SCAF1: variants seen among roughly 807,000 people sequenced by gnomAD.
The protein encoded by SCAF1 is splicing factor, arginine/serine-rich 19.
SCAF1 carries 28 observed loss-of-function variants against 91.2 expected under a neutral mutation model. The observed-to-expected ratio is 0.31, with a 90% CI of 0.23 to 0.42. The LOEUF is 0.42. Ranked by LOEUF, SCAF1 falls within the 10% of genes least tolerant of loss-of-function variation. The pLI is 1.00. For synonymous variants in SCAF1, 1,036 were observed against 833.7 expected, an observed-to-expected ratio of 1.24 and a Z score of -4.18; for missense variants, 1,893 against 1,872.1, an observed-to-expected ratio of 1.01 and a Z score of -0.21.
In SCAF1 at chr19:49,652,538, G is replaced by A. The variant is rs1345935089; in HGVS notation, c.2149G>A (p.Gly717Arg). 1.3e-6 allele frequency: 2 copies of A among 1,571,092 alleles called. No individual in the cohort carries two copies. Among genetic ancestry groups the A allele is most frequent in the Non-Finnish European group, 1.7e-6 (2 of 1,157,526 alleles). ...VGRLDKSDPR[G>R]PSPAPASSPK... ...CCGGCTTGACAAGTCCGACCCCCGA[G>A]GACCCTCTCCTGCTCCGGCCTCCTC... is the stretch of plus-strand genomic sequence containing the variant. Residue 717 changes from glycine to arginine, a missense_variant, in exon 7 of 11, where the codon GGA (glycine) becomes AGA (arginine). By Grantham distance (125) the Gly-to-Arg change is moderately radical. Around this residue, in one of 5 missense-constraint regions of SCAF1, gnomAD observed 1,436 missense variants for 1,306.8 expected, o/e 1.10. Transcript: ENST00000360565.
intron 1 of SCAF1, among the ~76,000 whole-genome samples, chr19:49,644,658 T>C (rs2081044295): frequency 6.6e-6 from 1 of 152,166 alleles, no homozygotes; most frequent in African/African-American, 2.4e-5. Context: ...AACCTTGGTG[T>C]TGGCTTTGCC....
At position 49,645,262 on chromosome 19, in the gene SCAF1, G is replaced by C; in HGVS notation, c.109-92G>C. 1 of 1,515,068 alleles carries C rather than the reference G, an allele frequency of 6.6e-7. No individual in the cohort carries two copies. The allele number at this position is 1,515,068 out of a possible 1,614,324, so 93.9% of individuals were successfully genotyped here. ...TCCCTTGAAGCACTTGAGTCTAGCTGTCAGTGTCTGGGATGTCTGTCTCCC... is the reference window on the plus strand; with the variant it reads ...TCCCTTGAAGCACTTGAGTCTAGCTCTCAGTGTCTGGGATGTCTGTCTCCC... On this transcript the variant is annotated intron_variant, in intron 2 of 10. Transcript: ENST00000360565. This position sits in a 1 kb window ranked among gnomAD's most constrained non-coding sequence, Gnocchi z 4.6.
Position 49,653,065 on chromosome 19 carries a change from G to A in SCAF1, c.2676G>A (p.Pro892=), listed in dbSNP as rs762525579. The change falls in exon 7 of 11, where the codon CCG becomes CCA. Residue 892 remains proline (P), a synonymous_variant. Transcript: ENST00000360565. ...CCACTGAGATGGCCAAAGCAGCTCCGGGCAGCACCAAGCCCAAAAAGACCA... is the reference window on the plus strand; with the variant it reads ...CCACTGAGATGGCCAAAGCAGCTCCAGGCAGCACCAAGCCCAAAAAGACCA... ...RAPTEMAKAA[P]GSTKPKKTKV... The A allele has an allele frequency of 1.7e-5, 27 of 1,613,726 alleles. No individual in the cohort carries two copies. Among genetic ancestry groups the A allele is most frequent in the South Asian group, 7.7e-5 (7 of 91,052 alleles).
At position 49,653,464 on chromosome 19, in the gene SCAF1, GGAGGAAGAAGAAGAGGAGGAGGAA is replaced by G. The variant is rs751695645; in HGVS notation, c.3084_3107del (p.Glu1032_Glu1039del). 4 of 1,550,074 alleles carry G rather than the reference GGAGGAAGAAGAAGAGGAGGAGGAA, an allele frequency of 2.6e-6. No homozygotes were observed. The highest frequency in any genetic ancestry group is 2.7e-5 in the African/African-American group (2 of 73,722). On this transcript the variant is annotated inframe_deletion, in exon 7 of 11. Coordinates refer to ENST00000360565, the MANE Select transcript of SCAF1 (RefSeq NM_021228.3). ...TCCGAGGTGGGGCGGAGGAGGAGGA[GGAGGAAGAAGAAGAGGAGGAGGAA>G]GAGGAAGAGGAGGAGGAGCAGCAGC...
At chr19:49,654,054 A>G (rs1044519892) in intron 7 of SCAF1, among the ~76,000 whole-genome samples, 3 of 152,032 alleles carry the variant, frequency 2.0e-5, no homozygotes, top group African/African-American at 7.3e-5. Flanking sequence ...AGGTGGGGAG[A>G]GAGGTTGGGA....
chr19:49,641,709 G>T (rs75271245), upstream of SCAF1, among the ~76,000 whole-genome samples: 1 of 152,128 alleles, frequency 6.6e-6, no homozygotes, highest in African/African-American at 2.4e-5. Context: ...TCAGTCTCCC[G>T]AGTGGGACTA....
In SCAF1 at chr19:49,645,063, G is replaced by T. The variant is rs1330251626; in HGVS notation, c.37G>T (p.Glu13Ter). The change falls in exon 2 of 11, where the codon GAG becomes TAG. Residue 13 changes from glutamate to a stop codon, truncating the protein, a stop_gained. Transcript: ENST00000360565. LOFTEE classifies it high-confidence loss of function. The surrounding 1 kb of genome is among the most constrained non-coding windows in gnomAD (Gnocchi z 4.6). Reference protein sequence around the residue: ...EEDESRGKTEESGEDRGDGPP... With the variant: ...EEDESRGKTE ...AGATGAGTCTCGAGGGAAGACAGAG[G>T]AGTCGGGGGAGGATCGGGGCGATGG... 1 of 1,614,062 alleles carries T rather than the reference G, an allele frequency of 6.2e-7. No homozygotes were observed. The highest frequency in any genetic ancestry group is 8.5e-7 in the Non-Finnish European group (1 of 1,180,022).
Position 49,651,373 on chromosome 19 carries a change from G to T in SCAF1, c.984G>T (p.Gln328His). The change falls in exon 7 of 11, where the codon CAG becomes CAT. Residue 328 changes from glutamine to histidine, a missense_variant. Gln to His is a conservative substitution (Grantham distance 24). This residue lies in a region of SCAF1 where 1,436 missense variants were observed against 1,306.8 expected (regional missense o/e 1.10). Transcript: ENST00000360565. ...ESPRPDAQPT[Q>H]PTPAPGTPPQ... ...CCCGCCCGGACGCGCAGCCCACACAGCCGACTCCCGCCCCTGGAACGCCGC... is the reference window on the plus strand; with the variant it reads ...CCCGCCCGGACGCGCAGCCCACACATCCGACTCCCGCCCCTGGAACGCCGC... The T allele has an allele frequency of 1.2e-6, 2 of 1,607,404 alleles. No homozygotes were observed.
Position 49,652,328 on chromosome 19 carries a change from T to G in SCAF1, c.1939T>G (p.Ser647Ala), listed in dbSNP as rs2081101729. Residue 647 changes from serine (S) to alanine (A), a missense_variant, in exon 7 of 11, where the codon TCG (serine) becomes GCG (alanine). Physicochemically the swap from Ser to Ala is moderately conservative, Grantham distance 99. Around this residue, in one of 5 missense-constraint regions of SCAF1, gnomAD observed 1,436 missense variants for 1,306.8 expected, o/e 1.10. Transcript: ENST00000360565. ...CGGCAGCAAGAAGAAGAAGAAGCGG[T>G]CGCGGTCCCGGGGTGAGAAGCGGTC... ...GGGSKKKKKR[S>A]RSRGEKRSGD... The G allele has an allele frequency of 6.5e-7, 1 of 1,530,214 alleles. No homozygotes were observed. Among genetic ancestry groups the G allele is most frequent in the Non-Finnish European group, 8.8e-7 (1 of 1,141,248 alleles). The allele number at this position is 1,530,214 out of a possible 1,614,324, so 94.8% of individuals were successfully genotyped here. A position where few individuals can be genotyped will look rare whatever the true frequency, so the allele number is the denominator to read the frequency against.
chr19:49,646,507 C>T lies in SCAF1; in HGVS notation c.262-19C>T. The T allele has an allele frequency of 6.2e-7, 1 of 1,607,054 alleles. No homozygotes were observed. The highest frequency in any genetic ancestry group is 8.5e-7 in the Non-Finnish European group (1 of 1,173,764). On this transcript the variant is annotated intron_variant, in intron 4 of 10. Transcript: ENST00000360565. This position sits in a 1 kb window ranked among gnomAD's most constrained non-coding sequence, Gnocchi z 5.6. ...TCATGTGACCAGGGACGGCGTAGAG[C>T]CTCTCTGGCCTCTTCCAGGTGTTGG... is the stretch of plus-strand genomic sequence containing the variant.
Position 49,652,950 on chromosome 19 carries a change from C to G in SCAF1, c.2561C>G (p.Ala854Gly). 6.2e-7 allele frequency: 1 copy of G among 1,613,798 alleles called. No individual in the cohort carries two copies. The highest frequency in any genetic ancestry group is 8.5e-7 in the Non-Finnish European group (1 of 1,179,952). The change falls in exon 7 of 11, where the codon GCC becomes GGC. Residue 854 changes from alanine (A) to glycine (G), a missense_variant. By Grantham distance (60) the Ala-to-Gly change is moderately conservative. Coordinates refer to ENST00000360565, the MANE Select transcript of SCAF1 (RefSeq NM_021228.3). ...AGCAGCACCACCCCGGCCAAGGATG[C>G]CGCGTCAGCCGGCCTGGGCTCCATT... ...GVSSTTPAKD[A>G]ASAGLGSIGV...
upstream of SCAF1, among the ~76,000 whole-genome samples, chr19:49,640,895 A>C (rs984336120): frequency 1.3e-5 from 2 of 152,184 alleles, no homozygotes; most frequent in South Asian, 4.1e-4. Flanking sequence ...AAGGAAGCAG[A>C]GGGCCCAGAC....
At position 49,652,025 on chromosome 19, in the gene SCAF1, C is replaced by G; in HGVS notation, c.1636C>G (p.Pro546Ala). 1 of 1,220,760 alleles carries G rather than the reference C, an allele frequency of 8.2e-7. No homozygotes were observed. Among genetic ancestry groups the G allele is most frequent in the Non-Finnish European group, 1.0e-6 (1 of 969,302 alleles). The allele number at this position is 1,220,760 out of a possible 1,614,324, so 75.6% of individuals were successfully genotyped here. A position where few individuals can be genotyped will look rare whatever the true frequency, so the allele number is the denominator to read the frequency against. Residue 546 changes from proline (P) to alanine (A), a missense_variant, in exon 7 of 11, where the codon CCG becomes GCG. By Grantham distance (27) the Pro-to-Ala change is conservative. Transcript: ENST00000360565. Reference sequence around the variant, plus strand: ...GGGCACCCAGCCAGCGCCGCCCGCCCCGGCCTCGCCCTGGGACTCCAAGAA... The same window carrying G: ...GGGCACCCAGCCAGCGCCGCCCGCCGCGGCCTCGCCCTGGGACTCCAAGAA... ...SSGTQPAPPA[P>A]ASPWDSKKHR...
At chr19:49,653,857 C>CA in intron 7 of SCAF1, 152 bp downstream of exon 7, 6 of 707,896 alleles carry the variant, frequency 8.5e-6, no homozygotes, top group Non-Finnish European at 1.1e-5. Context: ...GCCAGCCAGG[C>CA]TCTAGGTGCC....
chr19:49,657,078 C>G (rs2081144097), intron 9 of SCAF1, among the ~76,000 whole-genome samples: 2 of 152,128 alleles, frequency 1.3e-5, no homozygotes, highest in Admixed American at 1.3e-4. Context: ...CGCTTTAGCC[C>G]AGGAGACCAG....
In SCAF1 at chr19:49,654,346, C is replaced by T. The variant is rs1390152983; in HGVS notation, c.3317-3C>T. 1 of 1,613,222 alleles carries T rather than the reference C, an allele frequency of 6.2e-7. No homozygotes were observed. The highest frequency in any genetic ancestry group is 1.1e-5 in the South Asian group (1 of 91,030). The stretch of plus-strand genomic sequence containing the variant: ...CATGTTGTCACCTCTCTGCCTCCTG[C>T]AGTGACTGCACTTCTCTTCAAGATG... On this transcript the variant is annotated splice_region_variant and splice_polypyrimidine_tract_variant and intron_variant, in intron 7 of 10. Transcript: ENST00000360565.
chr19:49,654,934 T>A, intron 9 of SCAF1, 64 bp downstream of exon 9: 8 of 1,294,604 alleles, frequency 6.2e-6, no homozygotes, highest in Non-Finnish European at 8.3e-6. Context: ...GGACAGGAAC[T>A]GAGACGCGGG....
At chr19:49,642,156 C>G (rs1169996482), upstream of SCAF1, 2 of 152,226 alleles carry the variant, frequency 1.3e-5, no homozygotes, top group East Asian at 1.9e-4. This position sits in a 1 kb window ranked among gnomAD's most constrained non-coding sequence, Gnocchi z 4.0. Flanking sequence ...GGCGCTTTAG[C>G]TCCGCCTCTC....
chr19:49,646,006 G>A lies in SCAF1; in HGVS notation c.167-102G>A. 9.3e-7 allele frequency: 1 copy of A among 1,070,616 alleles called. No individual in the cohort carries two copies. Among genetic ancestry groups the A allele is most frequent in the Non-Finnish European group, 1.4e-6 (1 of 708,994 alleles). The allele number at this position is 1,070,616 out of a possible 1,614,324, so 66.3% of individuals were successfully genotyped here. ...AGGCCTGGAGAGCATGCGGGAGGCT[G>A]GTTCCGCTGTCAGGAACTAGATCAA... On this transcript the variant is annotated intron_variant, in intron 3 of 10. Transcript: ENST00000360565. The surrounding 1 kb of genome is among the most constrained non-coding windows in gnomAD (Gnocchi z 5.6).
Sources: allele counts gnomAD v4.1 joint callset (sites outside exome capture counted in the v4.1 genomes callset), GRCh38; gene constraint gnomAD v4.1.1; regional missense constraint gnomAD v4.1.1; non-coding constraint Gnocchi (gnomAD v3.1); transcripts MANE v1.5; gene names NCBI Gene and HGNC (gene_info 2026-07-23, HGNC 2026-07-21).